ADAM10: variants seen among roughly 807,000 people sequenced by gnomAD.
ADAM10 encodes the protein disintegrin and metalloproteinase domain-containing protein 10.
A neutral mutation model predicts 90.1 loss-of-function variants in ADAM10; 17 were observed. The observed-to-expected ratio is 0.19, with a 90% CI of 0.13 to 0.28. ADAM10 has a LOEUF of 0.28. Ranked by LOEUF, ADAM10 falls within the 10% of genes least tolerant of loss-of-function variation. The pLI is 1.00. For missense variants in ADAM10, 610 were observed against 914.3 expected (o/e 0.67, Z 4.29); for synonymous variants, 310 against 298.6 (o/e 1.04, Z -0.40).
intron 8 of ADAM10, among the ~76,000 whole-genome samples, chr15:58,636,167 C>T (rs546132044): frequency 1.3e-5 from 2 of 151,956 alleles, no homozygotes; most frequent in Non-Finnish European, 2.9e-5. Flanking sequence ...ATCCCAGCTA[C>T]TCAGGAGGCT....
At chr15:58,722,515 T>C (rs1898888254) in intron 1 of ADAM10, among the ~76,000 whole-genome samples, 2 of 148,194 alleles carry the variant, frequency 1.3e-5, no homozygotes, top group South Asian at 4.2e-4. Context: ...CCAGCCTAGA[T>C]GACAGAGACC....
intron 10 of ADAM10, among the ~76,000 whole-genome samples, chr15:58,622,876 TAAAAC>T (rs1239391921): frequency 6.6e-6 from 1 of 152,268 alleles, no homozygotes; most frequent in African/African-American, 2.4e-5. Flanking sequence ...TTCTAGGAAA[TAAAAC>T]TAACTTCCAA....
intron 1 of ADAM10, chr15:58,749,088 G>T: frequency 2.5e-6 from 1 of 398,474 alleles, no homozygotes; most frequent in Non-Finnish European, 4.4e-6. Flanking sequence ...CGGCGAGACC[G>T]CCAGCCTCGC....
At chr15:58,643,343 A>G (rs1896464955) in intron 7 of ADAM10, among the ~76,000 whole-genome samples, 1 of 152,200 alleles carries the variant, frequency 6.6e-6, no homozygotes, top group African/African-American at 2.4e-5. Flanking sequence ...TCAAAAATTT[A>G]GAAAAATATG....
At chr15:58,747,965 A>G (rs1899844667) in intron 1 of ADAM10, 1 of 152,242 alleles carries the variant, frequency 6.6e-6, no homozygotes, top group Non-Finnish European at 1.5e-5. Context: ...CAAAAAGTGA[A>G]AAAAGATAGG....
chr15:58,658,719 T>A (rs1896892858), intron 5 of ADAM10, among the ~76,000 whole-genome samples: 1 of 152,244 alleles, frequency 6.6e-6, no homozygotes, highest in African/African-American at 2.4e-5. Flanking sequence ...TTTTGTTAAA[T>A]TTATTCTACA....
intron 5 of ADAM10, among the ~76,000 whole-genome samples, chr15:58,658,152 G>T (rs1896878535): frequency 6.6e-6 from 1 of 151,920 alleles, no homozygotes; most frequent in Non-Finnish European, 1.5e-5. Flanking sequence ...TTTAGCTTTG[G>T]CATATAGGTC....
chr15:58,603,193 T>C (rs1164564039), intron 14 of ADAM10, among the ~76,000 whole-genome samples: 1 of 152,240 alleles, frequency 6.6e-6, no homozygotes, highest in Non-Finnish European at 1.5e-5. Context: ...CTTTATTATA[T>C]AGGTATTCCA....
At chr15:58,602,635 CAT>C (rs1895144139) in intron 14 of ADAM10, among the ~76,000 whole-genome samples, 1 of 152,248 alleles carries the variant, frequency 6.6e-6, no homozygotes, top group South Asian at 2.1e-4. Context: ...CACACACACA[CAT>C]ATTCATATAT....
chr15:58,607,619 T>C (rs868574246), intron 14 of ADAM10, among the ~76,000 whole-genome samples: 1 of 152,202 alleles, frequency 6.6e-6, no homozygotes. Context: ...CATAAAATTA[T>C]AGCAAAATAT....
chr15:58,607,303 T>A (rs1895304661), intron 14 of ADAM10, among the ~76,000 whole-genome samples: 1 of 152,260 alleles, frequency 6.6e-6, no homozygotes, highest in Non-Finnish European at 1.5e-5. Flanking sequence ...ACAATCAGGA[T>A]TGAGAACTAC....
chr15:58,607,463 G>T (rs1177831605), intron 14 of ADAM10, among the ~76,000 whole-genome samples: 1 of 152,150 alleles, frequency 6.6e-6, no homozygotes, highest in Non-Finnish European at 1.5e-5. Flanking sequence ...TCCAAGAAAG[G>T]TCTATAGTAT....
intron 5 of ADAM10, among the ~76,000 whole-genome samples, chr15:58,663,664 A>T (rs1031430676): frequency 7.2e-5 from 11 of 152,080 alleles, no homozygotes; most frequent in East Asian, 3.8e-4. Flanking sequence ...TAATTTTATA[A>T]TATTATTATT....
chr15:58,726,514 G>A (rs937934330), intron 1 of ADAM10, among the ~76,000 whole-genome samples: 6 of 122,918 alleles, frequency 4.9e-5, no homozygotes, highest in East Asian at 5.4e-4. Context: ...GCAGTGAGCC[G>A]AGATCGCGCC....
At chr15:58,740,383 T>G (rs1409196669) in intron 1 of ADAM10, among the ~76,000 whole-genome samples, 1 of 148,920 alleles carries the variant, frequency 6.7e-6, no homozygotes, top group Non-Finnish European at 1.5e-5. Flanking sequence ...CATTCCAGCC[T>G]GGGCATCAGC....
intron 1 of ADAM10, among the ~76,000 whole-genome samples, chr15:58,728,117 T>C (rs1238068767): frequency 6.6e-6 from 1 of 152,190 alleles, no homozygotes; most frequent in East Asian, 1.9e-4. Context: ...TTTCCACAAA[T>C]TTTAAAAGAC....
At chr15:58,634,089 T>C (rs1402327426) in intron 8 of ADAM10, among the ~76,000 whole-genome samples, 1 of 152,060 alleles carries the variant, frequency 6.6e-6, no homozygotes, top group African/African-American at 2.4e-5. Flanking sequence ...GGCAGGCAGA[T>C]CACTTGAGGT....
chr15:58,735,654 A>G (rs1470848859), intron 1 of ADAM10, among the ~76,000 whole-genome samples: 2 of 151,988 alleles, frequency 1.3e-5, no homozygotes, highest in Non-Finnish European at 2.9e-5. Flanking sequence ...GTACATGTTA[A>G]GTACAGACTC....
intron 4 of ADAM10, 30 bp downstream of exon 4, chr15:58,679,094 A>G: frequency 6.2e-7 from 1 of 1,600,930 alleles, no homozygotes; most frequent in East Asian, 2.2e-5. Context: ...CCTTTTGAAA[A>G]AGGCTACTTG....
Sources: gnomAD v4.1 joint callset for allele counts (sites outside exome capture counted in the v4.1 genomes callset) on GRCh38, gnomAD v4.1.1 for gene constraint, MANE v1.5 for transcripts, NCBI Gene and HGNC (gene_info 2026-07-23, HGNC 2026-07-21) for gene names.